Variants in VPS13B observed in about 807,000 individuals in gnomAD.
The protein encoded by VPS13B is vacuolar protein sorting 13 homolog B, also known as intermembrane lipid transfer protein VPS13B.
In VPS13B, 285 loss-of-function variants were observed where a neutral mutation model predicts 426.4. The ratio of observed to expected loss-of-function variants is 0.67; its 90% CI spans 0.61 to 0.74. VPS13B has a LOEUF of 0.74. Among genes scored for constraint, VPS13B ranks in the 30% least tolerant of loss-of-function variants. The pLI is 0.00. For synonymous variants in VPS13B, 1,676 were observed against 1,676.4 expected (o/e 1.00, Z 0.01); for missense variants, 4,537 against 4,782.6 (o/e 0.95, Z 1.51).
At chr8:99,074,258 A>T (rs1247605055) in intron 3 of VPS13B, among the ~76,000 whole-genome samples, 1 of 152,058 alleles carries the variant, frequency 6.6e-6, no homozygotes, top group East Asian at 1.9e-4. Flanking sequence ...GGGAGGTTTT[A>T]TCATGAAGGT....
intron 21 of VPS13B, among the ~76,000 whole-genome samples, chr8:99,418,270 C>T (rs1353958921): frequency 6.6e-6 from 1 of 151,696 alleles, no homozygotes; most frequent in Admixed American, 6.6e-5. Context: ...TTCCATCCCT[C>T]CCTCCTTTCT....
intron 33 of VPS13B, among the ~76,000 whole-genome samples, chr8:99,590,668 A>G (rs1826599441): frequency 6.6e-6 from 1 of 152,088 alleles, no homozygotes; most frequent in Non-Finnish European, 1.5e-5. Flanking sequence ...CTTAATCCTG[A>G]GTTCTAATTT....
Position 99,854,136 on chromosome 8 carries a change from G to C in VPS13B, c.10747G>C (p.Ala3583Pro), listed in dbSNP as rs1276357688. ...CCACGCTTCCCTCAAGCTGTACATA[G>C]CCTCAGACCACACTCCTCTCTCCTT... ...SIHASLKLYI[A>P]SDHTPLSFSV... The change falls in exon 56 of 62, where the codon GCC (alanine) becomes CCC (proline). Residue 3583 changes from alanine (A) to proline (P), a missense_variant. By Grantham distance (27) the Ala-to-Pro change is conservative (BLOSUM62 -1). Coordinates refer to ENST00000357162, the MANE Select transcript of VPS13B (RefSeq NM_152564.5). 1 of 1,613,586 alleles carries C rather than the reference G, an allele frequency of 6.2e-7. No homozygotes were observed. The highest frequency in any genetic ancestry group is 8.5e-7 in the Non-Finnish European group (1 of 1,179,934).
At chr8:99,580,496 T>C (rs1414177867) in intron 33 of VPS13B, among the ~76,000 whole-genome samples, 4 of 151,700 alleles carry the variant, frequency 2.6e-5, no homozygotes, top group Admixed American at 2.0e-4. Context: ...CCTGGCCTAA[T>C]GTAGTATATT....
At chr8:99,396,703 A>G (rs1814745250) in intron 21 of VPS13B, among the ~76,000 whole-genome samples, 1 of 152,112 alleles carries the variant, frequency 6.6e-6, no homozygotes, top group African/African-American at 2.4e-5. Flanking sequence ...TTTGCATCAG[A>G]GTTACCAAGA....
intron 8 of VPS13B, among the ~76,000 whole-genome samples, chr8:99,133,839 A>G (rs912658018): frequency 2.6e-5 from 4 of 152,232 alleles, no homozygotes; most frequent in Admixed American, 1.3e-4. Context: ...ATAACTGATT[A>G]CAGATCACCA....
intron 19 of VPS13B, among the ~76,000 whole-genome samples, chr8:99,366,927 G>GT (rs1812923561): frequency 6.6e-6 from 1 of 151,916 alleles, no homozygotes; most frequent in Admixed American, 6.6e-5. Flanking sequence ...TTAACTTTTT[G>GT]TTTTTTCTAT....
chr8:99,791,782 T>C (rs982035854), intron 43 of VPS13B, among the ~76,000 whole-genome samples: 7 of 151,072 alleles, frequency 4.6e-5, no homozygotes, highest in African/African-American at 9.7e-5. Context: ...AGGCAGATTT[T>C]GGAGGGGAGT....
chr8:99,695,719 A>G (rs1407527984), intron 35 of VPS13B, among the ~76,000 whole-genome samples: 1 of 148,530 alleles, frequency 6.7e-6, no homozygotes, highest in East Asian at 1.9e-4. Flanking sequence ...AAAACTCCAT[A>G]CCAAGAAAAA....
chr8:99,675,420 T>C (rs528054306), intron 35 of VPS13B, among the ~76,000 whole-genome samples: 4 of 152,288 alleles, frequency 2.6e-5, no homozygotes, highest in South Asian at 4.1e-4. Context: ...TAATATGTCT[T>C]TGGGTAATCT....
At chr8:99,459,875 T>A (rs117819751) in intron 23 of VPS13B, among the ~76,000 whole-genome samples, 1 of 152,292 alleles carries the variant, frequency 6.6e-6, no homozygotes, top group Non-Finnish European at 1.5e-5. Flanking sequence ...CTCTGTAATA[T>A]TTCTTGTCTT....
chr8:99,393,456 T>C (rs190309921), intron 21 of VPS13B, among the ~76,000 whole-genome samples: 1 of 152,228 alleles, frequency 6.6e-6, no homozygotes, highest in Admixed American at 6.5e-5. Context: ...TTTTTAAATT[T>C]TAAATTATTA....
intron 30 of VPS13B, 88 bp from the exon 31 acceptor site, chr8:99,556,362 A>T (rs1418028362): frequency 5.0e-6 from 7 of 1,393,844 alleles, no homozygotes; most frequent in Non-Finnish European, 6.9e-6. Context: ...AATGGTATTG[A>T]CACTATGTTA....
intron 17 of VPS13B, among the ~76,000 whole-genome samples, chr8:99,228,341 A>G (rs1031177964): frequency 6.6e-6 from 1 of 152,176 alleles, no homozygotes; most frequent in Non-Finnish European, 1.5e-5. Flanking sequence ...TATGAAGTTG[A>G]AAAGAAATTT....
chr8:99,819,697 C>T, intron 48 of VPS13B, 115 bp downstream of exon 48: 1 of 1,267,712 alleles, frequency 7.9e-7, no homozygotes, highest in South Asian at 1.3e-5. Flanking sequence ...AGATTCTTAC[C>T]TTTTATCATC....
chr8:99,394,762 A>G (rs141163036), intron 21 of VPS13B, among the ~76,000 whole-genome samples: 1 of 152,332 alleles, frequency 6.6e-6, no homozygotes, highest in African/African-American at 2.4e-5. Flanking sequence ...TTTATCTTAC[A>G]AGTTTATATA....
At chr8:99,552,577 GTT>G (rs200586050) in intron 30 of VPS13B, among the ~76,000 whole-genome samples, 1 of 139,632 alleles carries the variant, frequency 7.2e-6, no homozygotes. Flanking sequence ...TTTTTATTTT[GTT>G]TTTTTTTTTT....
chr8:99,415,850 G>A lies in VPS13B; in HGVS notation c.3083-15687G>A, dbSNP rs185181266. ...AGCTCTCCTGTATGTGGTGTCTGTCGACCCTTGCTAGGAGGTGTCTCCCAG... is the reference window on the plus strand; with the variant it reads ...AGCTCTCCTGTATGTGGTGTCTGTCAACCCTTGCTAGGAGGTGTCTCCCAG... On this transcript the variant is annotated intron_variant, in intron 21 of 61. Transcript: ENST00000357162. Among the ~76,000 whole-genome samples, 1,058 of 152,244 alleles carry A rather than the reference G, an allele frequency of 6.9e-3. 16 individuals carry two copies. The highest frequency in any genetic ancestry group is 0.024 in the African/African-American group (1,006 of 41,536).
At chr8:99,441,585 C>T (rs892760396) in intron 22 of VPS13B, among the ~76,000 whole-genome samples, 33 of 152,110 alleles carry the variant, frequency 2.2e-4, no homozygotes, top group African/African-American at 6.7e-4. Flanking sequence ...TTATAAGCAC[C>T]GCTAAGACAA....
Sources: allele counts gnomAD v4.1 joint callset (sites outside exome capture counted in the v4.1 genomes callset), GRCh38; gene constraint gnomAD v4.1.1; transcripts MANE v1.5; gene names NCBI Gene and HGNC (gene_info 2026-07-23, HGNC 2026-07-21).